The following EFR3B variants were observed in gnomAD, a reference collection of about 807,000 sequenced individuals.
EFR3B encodes protein EFR3 homolog B.
Under a neutral mutation model 104.7 loss-of-function variants are expected in EFR3B, and 64 were observed. The ratio of observed to expected loss-of-function variants is 0.61; its 90% CI spans 0.50 to 0.75. The LOEUF (loss-of-function observed/expected upper bound fraction) is 0.75, where lower values mean the gene tolerates loss of function less well. EFR3B is among the 30% of genes least tolerant of loss of function. The pLI, the probability that EFR3B is intolerant of heterozygous loss-of-function variation, is 0.00. For synonymous variants in EFR3B, 385 were observed against 417.9 expected (o/e 0.92, Z 0.96); for missense variants, 750 against 1,078.5 (o/e 0.70, Z 4.27).
At position 25,137,278 on chromosome 2, in the gene EFR3B, T is replaced by C; in HGVS notation, c.1561-63T>C. The C allele has an allele frequency of 2.6e-6, 4 of 1,530,962 alleles. No homozygotes were observed. Among genetic ancestry groups the C allele is most frequent in the Non-Finnish European group, 3.5e-6 (4 of 1,133,066 alleles). 94.8% of individuals were successfully genotyped at this position (1,530,962 alleles called of 1,614,324 possible). ...CCCTTCAGATTGGTCTTCCTCCGTG[T>C]TCTCCTTGCCCCTCCTGTCCCCATC... On this transcript the variant is annotated intron_variant, in intron 14 of 22. Coordinates refer to ENST00000403714, the MANE Select transcript of EFR3B (RefSeq NM_014971.2). The surrounding 1 kb of genome is among the most constrained non-coding windows in gnomAD (Gnocchi z 4.7).
Position 25,128,115 on chromosome 2 carries a change from TAGCCACCGA to T in EFR3B, c.486-64_486-56del. ...TGACTCCTAAGCTGTGCTCTTCTCT[TAGCCACCGA>T]AGCTGGACTTCTCAGGGCTAGAGGA... On this transcript the variant is annotated intron_variant, in intron 5 of 22. Transcript: ENST00000403714. 3 of 1,530,144 alleles carry T rather than the reference TAGCCACCGA, an allele frequency of 2.0e-6. No homozygotes were observed. In the South Asian group the frequency reaches 3.7e-5, roughly 19 times the overall value. The allele number at this position is 1,530,144 out of a possible 1,614,324, so 94.8% of individuals were successfully genotyped here.
rs1670560725 is a variant in EFR3B at position 25,137,834 on chromosome 2, T to G, written c.1722+332T>G. 6.6e-6 allele frequency among the ~76,000 whole-genome samples: 1 copy of G among 152,186 alleles called. No individual in the cohort carries two copies. The highest frequency in any genetic ancestry group is 1.5e-5 in the Non-Finnish European group (1 of 68,042). On this transcript the variant is annotated intron_variant, in intron 15 of 22. Coordinates refer to ENST00000403714, the MANE Select transcript of EFR3B (RefSeq NM_014971.2). This position sits in a 1 kb window ranked among gnomAD's most constrained non-coding sequence, Gnocchi z 4.7. ...CCAGGGATTCTTAAAAGGATGCTCA[T>G]AAGCCCTGAGTGATCCCAGACAAAC... is the stretch of plus-strand genomic sequence containing the variant.
chr2:25,106,870 T>C (rs1218303825), intron 4 of EFR3B, among the ~76,000 whole-genome samples: 2 of 152,178 alleles, frequency 1.3e-5, no homozygotes, highest in African/African-American at 2.4e-5. Context: ...AGGTGTGAGC[T>C]ACCACGCCCG....
chr2:25,101,737 C>T (rs192928728), intron 3 of EFR3B, among the ~76,000 whole-genome samples: 1 of 152,244 alleles, frequency 6.6e-6, no homozygotes, highest in Non-Finnish European at 1.5e-5. Context: ...AATGAGCAGC[C>T]ACATGCACAG....
rs1025030966 is a variant in EFR3B at position 25,153,581 on chromosome 2, C to T, written c.2299-131C>T. ...CAGTGGATGAGTGCTGGAGCGTGTT[C>T]ACCTCTGCCTGCCTTCCTAAGGCTG... On this transcript the variant is annotated intron_variant, in intron 21 of 22. Transcript: ENST00000403714. The T allele has an allele frequency of 5.3e-5, 46 of 863,644 alleles. No homozygotes were observed. The East Asian group carries it at 1.2e-3, about 22-fold the overall frequency. The allele number at this position is 863,644 out of a possible 1,614,324, so 53.5% of individuals were successfully genotyped here.
At chr2:25,059,584 G>A (rs987419878) in intron 1 of EFR3B, among the ~76,000 whole-genome samples, 2 of 134,794 alleles carry the variant, frequency 1.5e-5, no homozygotes, top group Admixed American at 7.6e-5. Flanking sequence ...GGGGGGGGGG[G>A]GGTGGAGATT....
chr2:25,111,380 C>A (rs995203176), intron 4 of EFR3B, among the ~76,000 whole-genome samples: 1 of 150,558 alleles, frequency 6.6e-6, no homozygotes, highest in Non-Finnish European at 1.5e-5. Context: ...TCCCTGGGAT[C>A]GTGCCCATTT....
chr2:25,103,912 A>T (rs1488504548), intron 4 of EFR3B, 125 bp downstream of exon 4: 2 of 1,161,326 alleles, frequency 1.7e-6, no homozygotes, highest in South Asian at 1.8e-5. Flanking sequence ...CCTAAGTGTG[A>T]CACACTGCTT....
At chr2:25,091,126 T>A (rs896623814) in intron 1 of EFR3B, among the ~76,000 whole-genome samples, 199 bp from the exon 2 acceptor site, 3 of 152,106 alleles carry the variant, frequency 2.0e-5, no homozygotes, top group African/African-American at 7.3e-5. Context: ...ACATGGCAGA[T>A]GTCTTAGAGT....
At chr2:25,046,423 G>A (rs901538034) in intron 1 of EFR3B, among the ~76,000 whole-genome samples, 1 of 151,796 alleles carries the variant, frequency 6.6e-6, no homozygotes, top group Non-Finnish European at 1.5e-5. Flanking sequence ...TGTGCTTGAC[G>A]GAATCCTATT....
chr2:25,073,335 T>C lies in EFR3B; in HGVS notation c.8-17990T>C, dbSNP rs370423211. On this transcript the variant is annotated intron_variant, in intron 1 of 22. Transcript: ENST00000403714. ...CTCTATGCTATAAAATACAAAACTG[T>C]GTATATTATTTAAGCTATTTAATAC... 5.3e-5 allele frequency among the ~76,000 whole-genome samples: 8 copies of C among 151,524 alleles called. No homozygotes were observed. The East Asian group carries it at 1.5e-3, about 29-fold the overall frequency.
rs541844957 is a variant in EFR3B, at chr2:25,126,756, A to C, written c.486-1427A>C. 3.9e-4 allele frequency among the ~76,000 whole-genome samples: 59 copies of C among 151,894 alleles called. 1 individual carries two copies. The highest frequency in any genetic ancestry group is 3.4e-3 in the Middle Eastern group (1 of 294). ...AGCTATATACTGGCCTTGCCTCCCAAAGTGCTGGGGTTACAGGTGTGAGCC... is the reference window on the plus strand; with the variant it reads ...AGCTATATACTGGCCTTGCCTCCCACAGTGCTGGGGTTACAGGTGTGAGCC... On this transcript the variant is annotated intron_variant, in intron 5 of 22. Transcript: ENST00000403714.
chr2:25,098,457 A>G (rs1223261562), intron 3 of EFR3B, among the ~76,000 whole-genome samples: 1 of 152,116 alleles, frequency 6.6e-6, no homozygotes, highest in East Asian at 1.9e-4. Flanking sequence ...CTCTTCCAGG[A>G]CACCCGCCCC....
intron 12 of EFR3B, among the ~76,000 whole-genome samples, 180 bp downstream of exon 12, chr2:25,133,614 A>C (rs2149206636): frequency 6.6e-6 from 1 of 152,328 alleles, no homozygotes; most frequent in African/African-American, 2.4e-5. Flanking sequence ...CTGGGCACCC[A>C]CAGAGCTGGG....
intron 5 of EFR3B, among the ~76,000 whole-genome samples, chr2:25,125,731 A>G (rs36027787): frequency 0.013 from 2,027 of 152,252 alleles, 23 homozygotes; most frequent in Non-Finnish European, 0.017. Flanking sequence ...GGAGGATCAC[A>G]AGGTCAGCAG....
At chr2:25,082,187 T>C (rs482546) in intron 1 of EFR3B, among the ~76,000 whole-genome samples, 151,907 of 152,378 alleles carry the variant, frequency 1, 75,721 homozygotes, top group Middle Eastern at 1. Flanking sequence ...GGCTGTGTGC[T>C]GGAATTGTGG....
chr2:25,147,414 G>C (rs1219584372), intron 19 of EFR3B: 1 of 152,250 alleles, frequency 6.6e-6, no homozygotes, highest in East Asian at 1.9e-4. Context: ...CTACAGTCCT[G>C]CATGTAGTTG....
chr2:25,045,303 C>T (rs568778719), intron 1 of EFR3B, among the ~76,000 whole-genome samples: 2 of 152,310 alleles, frequency 1.3e-5, no homozygotes, highest in Admixed American at 6.5e-5. Flanking sequence ...CATTCCTAAA[C>T]CCATCAGTTT....
intron 10 of EFR3B, 28 bp from the exon 11 acceptor site, chr2:25,132,874 CT>C (rs1484905909): frequency 6.5e-7 from 1 of 1,539,610 alleles, no homozygotes; most frequent in Non-Finnish European, 8.8e-7. Context: ...CTGTGCCTCA[CT>C]GGGCACCCTC....
Sources: allele counts gnomAD v4.1 joint callset (sites outside exome capture counted in the v4.1 genomes callset), GRCh38; gene constraint gnomAD v4.1.1; non-coding constraint Gnocchi (gnomAD v3.1); transcripts MANE v1.5; gene names NCBI Gene and HGNC (gene_info 2026-07-23, HGNC 2026-07-21).